The following PDE4D variants were observed in gnomAD, a reference collection of about 807,000 sequenced individuals.
PDE4D encodes 3',5'-cyclic-AMP phosphodiesterase 4D.
PDE4D carries 24 observed loss-of-function variants against 87.4 expected under a neutral mutation model. The observed-to-expected ratio is 0.27, with a 90% CI of 0.20 to 0.39. PDE4D has a LOEUF of 0.39. Among genes scored for constraint, PDE4D ranks in the 10% least tolerant of loss-of-function variants. The pLI is 1.00. For synonymous variants in PDE4D, 384 were observed against 383.2 expected (o/e 1.00, Z -0.02); for missense variants, 714 against 1,041.0 (o/e 0.69, Z 4.32).
intron 11 of PDE4D, among the ~76,000 whole-genome samples, chr5:58,982,856 C>T (rs1051829818): frequency 6.6e-6 from 1 of 152,168 alleles, no homozygotes; most frequent in Non-Finnish European, 1.5e-5. Context: ...AATGGGTCAT[C>T]CTATTCACTT....
chr5:59,063,134 C>T (rs1763397376), intron 5 of PDE4D: 1 of 152,298 alleles, frequency 6.6e-6, no homozygotes, highest in South Asian at 2.1e-4. Flanking sequence ...AACATATCCT[C>T]GAGAAAGACA....
At chr5:59,768,671 G>GA in intron 1 of PDE4D, 1 of 1,486,312 alleles carries the variant, frequency 6.7e-7, no homozygotes. Context: ...GGGTGCAGAG[G>GA]AGGCGAGCGC....
intron 2 of PDE4D, among the ~76,000 whole-genome samples, chr5:60,114,772 A>C (rs1367363059): frequency 2.0e-5 from 3 of 152,106 alleles, no homozygotes; most frequent in Admixed American, 1.3e-4. Context: ...TGGATGAGAA[A>C]CAATAAGTAA....
chr5:60,044,236 T>C (rs539767022), intron 2 of PDE4D, among the ~76,000 whole-genome samples: 18 of 151,906 alleles, frequency 1.2e-4, no homozygotes, highest in African/African-American at 3.9e-4. Flanking sequence ...TTATATATTG[T>C]ATGTATCAAA....
chr5:59,026,037 C>CAA (rs1354169421), intron 6 of PDE4D, among the ~76,000 whole-genome samples: 2 of 152,214 alleles, frequency 1.3e-5, no homozygotes, highest in East Asian at 3.8e-4. Flanking sequence ...CTCTGACAGG[C>CAA]AAAAGCCAAC....
intron 1 of PDE4D, among the ~76,000 whole-genome samples, chr5:60,289,537 C>G (rs1397021888): frequency 6.6e-6 from 1 of 152,162 alleles, no homozygotes; most frequent in African/African-American, 2.4e-5. Flanking sequence ...CTTTCCCCAC[C>G]CCTGTAGAGG....
intron 1 of PDE4D, among the ~76,000 whole-genome samples, chr5:60,358,879 C>T (rs531572107): frequency 6.6e-6 from 1 of 152,244 alleles, no homozygotes; most frequent in South Asian, 2.1e-4. Flanking sequence ...TTTAGGAAAT[C>T]TTTTCACTGT....
intron 1 of PDE4D, among the ~76,000 whole-genome samples, chr5:59,409,489 G>A (rs1792287757): frequency 6.6e-6 from 1 of 152,146 alleles, no homozygotes; most frequent in Non-Finnish European, 1.5e-5. Flanking sequence ...GTGGTGTCTG[G>A]GTCATGTGGG....
chr5:59,762,103 T>C (rs1462746690), intron 1 of PDE4D, among the ~76,000 whole-genome samples: 1 of 151,892 alleles, frequency 6.6e-6, no homozygotes, highest in Non-Finnish European at 1.5e-5. Flanking sequence ...GATCCAGGTA[T>C]ATATATATGT....
intron 3 of PDE4D, among the ~76,000 whole-genome samples, chr5:59,964,781 A>G (rs1220471096): frequency 2.0e-5 from 3 of 152,068 alleles, no homozygotes; most frequent in Non-Finnish European, 4.4e-5. Flanking sequence ...TCTTTTTTTA[A>G]AAAGGCAAAT....
At chr5:60,403,355 T>A (rs577151276) in intron 1 of PDE4D, among the ~76,000 whole-genome samples, 9 of 152,204 alleles carry the variant, frequency 5.9e-5, no homozygotes, top group Non-Finnish European at 1.3e-4. Flanking sequence ...CCTCCCCAAA[T>A]CATTGTACTT....
intron 5 of PDE4D, chr5:59,125,437 G>A (rs1417000917): frequency 4.7e-6 from 1 of 213,124 alleles, no homozygotes; most frequent in Admixed American, 6.5e-5. Flanking sequence ...CCCTCATCGG[G>A]CTTCCTAGCA....
chr5:60,009,887 A>T (rs763537885), intron 2 of PDE4D, among the ~76,000 whole-genome samples: 1 of 152,082 alleles, frequency 6.6e-6, no homozygotes, highest in African/African-American at 2.4e-5. Flanking sequence ...CGTTTTGTTT[A>T]TGGTTAGACC....
intron 1 of PDE4D, among the ~76,000 whole-genome samples, chr5:59,408,640 T>C (rs1027490020): frequency 6.6e-6 from 1 of 152,150 alleles, no homozygotes; most frequent in Non-Finnish European, 1.5e-5. Flanking sequence ...CTCCAACCCA[T>C]GAGAGCAGTC....
At chr5:59,426,965 A>G (rs1258772060) in intron 1 of PDE4D, among the ~76,000 whole-genome samples, 1 of 150,270 alleles carries the variant, frequency 6.7e-6, no homozygotes, top group Non-Finnish European at 1.5e-5. Context: ...TCCCACAGTG[A>G]CTTTTTCTCC....
intron 2 of PDE4D, among the ~76,000 whole-genome samples, chr5:60,051,573 C>T (rs1262546206): frequency 1.3e-5 from 2 of 152,150 alleles, no homozygotes; most frequent in Admixed American, 1.3e-4. Context: ...CAAATGCCCA[C>T]AGGAGAAAGC....
intron 1 of PDE4D, chr5:60,460,237 G>T: frequency 7.5e-7 from 1 of 1,333,222 alleles, no homozygotes; most frequent in Non-Finnish European, 1.1e-6. Flanking sequence ...TTTCATTTCA[G>T]TGGACTTTGA....
chr5:60,391,190 A>AAATGTTT (rs1762539680), intron 1 of PDE4D, among the ~76,000 whole-genome samples: 1 of 152,176 alleles, frequency 6.6e-6, no homozygotes, highest in South Asian at 2.1e-4. Flanking sequence ...GATGTGCAAT[A>AAATGTTT]AATGTTTATT....
rs1226471237 is a variant in PDE4D, at chr5:60,345,416, T to G, written c.-90+142526A>C. ...ACATATGTAACAAACCTGCATGTTGTGCACATGTACCCTAGAACGTAAAGT... is the reference window on the plus strand; with the variant it reads ...ACATATGTAACAAACCTGCATGTTGGGCACATGTACCCTAGAACGTAAAGT... On this transcript the variant is annotated intron_variant, in intron 1 of 16. Coordinates refer to the PDE4D transcript ENST00000502484. Among the ~76,000 whole-genome samples the G allele has an allele frequency of 2.0e-5, 3 of 151,410 alleles. No homozygotes were observed. The South Asian group carries it at 6.3e-4, about 32-fold the overall frequency.
Sources: gnomAD v4.1 joint callset for allele counts (sites outside exome capture counted in the v4.1 genomes callset) on GRCh38, gnomAD v4.1.1 for gene constraint, MANE v1.5 for transcripts, NCBI Gene and HGNC (gene_info 2026-07-23, HGNC 2026-07-21) for gene names.